Variants in TRHDE observed in about 807,000 individuals in gnomAD.
TRHDE encodes the protein thyrotropin releasing hormone degrading enzyme.
A neutral mutation model predicts 125.7 loss-of-function variants in TRHDE; 72 were observed. The observed-to-expected ratio is 0.57, with a 90% CI of 0.47 to 0.70. The LOEUF is 0.70. Ranked by LOEUF, TRHDE falls within the 30% of genes least tolerant of loss-of-function variation. The pLI is 0.00. For missense variants in TRHDE, 1,110 were observed against 1,327.1 expected (o/e 0.84, Z 2.54); for synonymous variants, 509 against 509.1 (o/e 1.00, Z 0.00).
intron 2 of TRHDE, among the ~76,000 whole-genome samples, chr12:72,323,162 C>T (rs1421344523): frequency 6.6e-6 from 1 of 151,984 alleles, no homozygotes; most frequent in Non-Finnish European, 1.5e-5. Context: ...ACAATGCCTA[C>T]AATTAAGAAG....
intron 2 of TRHDE, chr12:72,262,637 A>G (rs1192426866): frequency 6.6e-6 from 1 of 152,190 alleles, no homozygotes. Context: ...ACAGATAGAT[A>G]TAAAGACATA....
At chr12:72,329,009 A>G (rs1437676704) in intron 2 of TRHDE, among the ~76,000 whole-genome samples, 1 of 152,190 alleles carries the variant, frequency 6.6e-6, no homozygotes, top group Non-Finnish European at 1.5e-5. Flanking sequence ...TGAAAAATAC[A>G]AAAGAGAGTC....
chr12:72,189,601 G>C (rs1187563444), intron 2 of TRHDE, among the ~76,000 whole-genome samples: 1 of 152,172 alleles, frequency 6.6e-6, no homozygotes, highest in Non-Finnish European at 1.5e-5. Context: ...AAATGTAGGG[G>C]CTAGTTACCT....
intron 2 of TRHDE, among the ~76,000 whole-genome samples, chr12:72,169,620 C>T (rs1052292261): frequency 5.3e-5 from 8 of 151,644 alleles, no homozygotes; most frequent in African/African-American, 1.7e-4. Flanking sequence ...TTTGGAAGGC[C>T]GAGGTGGGAG....
chr12:72,180,544 T>G (rs1406132385), intron 2 of TRHDE, among the ~76,000 whole-genome samples: 1 of 152,128 alleles, frequency 6.6e-6, no homozygotes, highest in African/African-American at 2.4e-5. Flanking sequence ...TTGAGTTTAT[T>G]ATTCTTATTT....
chr12:72,091,803 A>T (rs1003149345), intron 1 of TRHDE, among the ~76,000 whole-genome samples: 1 of 152,148 alleles, frequency 6.6e-6, no homozygotes, highest in South Asian at 2.1e-4. Context: ...GCACATATGA[A>T]GCCTATTAGT....
chr12:72,641,146 A>G (rs1489732422), intron 15 of TRHDE, among the ~76,000 whole-genome samples: 2 of 152,108 alleles, frequency 1.3e-5, no homozygotes, highest in Non-Finnish European at 2.9e-5. Context: ...TCTGCCAAAA[A>G]CTTGCTTAGA....
At chr12:72,155,931 G>A (rs1350673373) in intron 2 of TRHDE, among the ~76,000 whole-genome samples, 1 of 152,224 alleles carries the variant, frequency 6.6e-6, no homozygotes, top group Non-Finnish European at 1.5e-5. Context: ...CTGTCAGACA[G>A]ACACATTTAA....
intron 2 of TRHDE, among the ~76,000 whole-genome samples, chr12:72,210,172 A>ATCTG: frequency 1.4e-4 from 1 of 7,220 alleles, no homozygotes; most frequent in South Asian, 2.8e-3. Flanking sequence ...TATAAGATTG[A>ATCTG]TCTATCTATC....
chr12:72,500,517 G>C (rs1334157584), intron 6 of TRHDE, among the ~76,000 whole-genome samples: 1 of 152,010 alleles, frequency 6.6e-6, no homozygotes, highest in Non-Finnish European at 1.5e-5. Context: ...TTAGCCTCCT[G>C]AGTAGCTGGG....
intron 2 of TRHDE, among the ~76,000 whole-genome samples, chr12:72,319,863 T>A (rs925220219): frequency 7.2e-5 from 11 of 152,144 alleles, no homozygotes; most frequent in African/African-American, 2.4e-4. Flanking sequence ...CATGGTTTTT[T>A]TTTCTGGACA....
chr12:72,344,547 T>C (rs1176976551), intron 2 of TRHDE, among the ~76,000 whole-genome samples: 1 of 152,124 alleles, frequency 6.6e-6, no homozygotes, highest in Non-Finnish European at 1.5e-5. Flanking sequence ...TCCTACCGTG[T>C]GCCATGTCCT....
At chr12:72,493,293 T>C (rs1319684565) in intron 5 of TRHDE, among the ~76,000 whole-genome samples, 1 of 151,962 alleles carries the variant, frequency 6.6e-6, no homozygotes, top group Non-Finnish European at 1.5e-5. Context: ...TGGATATCTA[T>C]ATTTGCATCT....
At chr12:72,283,748 C>T (rs1004011659) in intron 1 of TRHDE, among the ~76,000 whole-genome samples, 1 of 152,102 alleles carries the variant, frequency 6.6e-6, no homozygotes, top group Non-Finnish European at 1.5e-5. Flanking sequence ...ATAATAAATT[C>T]TTACCCACTA....
intron 6 of TRHDE, among the ~76,000 whole-genome samples, chr12:72,514,183 C>G (rs1236385458): frequency 6.6e-6 from 1 of 152,070 alleles, no homozygotes; most frequent in Non-Finnish European, 1.5e-5. Context: ...AAGATTTCCA[C>G]AGATAAATCT....
intron 2 of TRHDE, among the ~76,000 whole-genome samples, chr12:72,227,382 A>G (rs1878154262): frequency 6.6e-6 from 1 of 152,114 alleles, no homozygotes; most frequent in Non-Finnish European, 1.5e-5. Flanking sequence ...GAAACCCCCC[A>G]TTTATAAAAC....
At chr12:72,240,975 C>T (rs891447179) in intron 2 of TRHDE, among the ~76,000 whole-genome samples, 15 of 152,056 alleles carry the variant, frequency 9.9e-5, no homozygotes, top group Non-Finnish European at 2.9e-5. Flanking sequence ...TTTTAACAGC[C>T]GCAAGCCACT....
At chr12:72,194,736 T>A (rs1592478335) in intron 2 of TRHDE, among the ~76,000 whole-genome samples, 1 of 152,294 alleles carries the variant, frequency 6.6e-6, no homozygotes, top group East Asian at 1.9e-4. Flanking sequence ...TACATAGTAT[T>A]CCATAATGTA....
intron 2 of TRHDE, among the ~76,000 whole-genome samples, chr12:72,168,528 A>C (rs905654661): frequency 1.3e-5 from 2 of 152,222 alleles, no homozygotes; most frequent in Non-Finnish European, 2.9e-5. Context: ...TGATCATAGC[A>C]GAGACAGTGT....
Sources: allele counts gnomAD v4.1 joint callset (sites outside exome capture counted in the v4.1 genomes callset), GRCh38; gene constraint gnomAD v4.1.1; transcripts MANE v1.5; gene names NCBI Gene and HGNC (gene_info 2026-07-23, HGNC 2026-07-21).